Variants in ISM1 observed in about 807,000 individuals in gnomAD.
ISM1 encodes isthmin-1.
ISM1 carries 25 observed loss-of-function variants against 46.3 expected under a neutral mutation model. The observed-to-expected ratio is 0.54, with a 90% CI of 0.39 to 0.75. The LOEUF is 0.75. Among genes scored for constraint, ISM1 ranks in the 30% least tolerant of loss-of-function variants. The probability of loss-of-function intolerance (pLI) is 0.00; values close to 1 mark genes in which losing one functional copy is unlikely to be tolerated. For synonymous variants in ISM1, 255 were observed against 256.7 expected, an observed-to-expected ratio of 0.99 and a Z score of 0.06; for missense variants, 536 against 625.4, an observed-to-expected ratio of 0.86 and a Z score of 1.52.
intron 2 of ISM1, among the ~76,000 whole-genome samples, chr20:13,274,257 A>G (rs2040149331): frequency 6.6e-6 from 1 of 152,012 alleles, no homozygotes; most frequent in South Asian, 2.1e-4. Context: ...TCCTCAGAGC[A>G]CTGTTCTTTT....
intron 1 of ISM1, among the ~76,000 whole-genome samples, chr20:13,225,678 G>A (rs540573266): frequency 6.6e-6 from 1 of 152,160 alleles, no homozygotes; most frequent in Admixed American, 6.5e-5. Context: ...GTCTTTGAAT[G>A]GTTGTCAGTA....
At chr20:13,245,630 C>T (rs1215873377) in intron 1 of ISM1, among the ~76,000 whole-genome samples, 1 of 152,206 alleles carries the variant, frequency 6.6e-6, no homozygotes, top group East Asian at 1.9e-4. Flanking sequence ...AGTTCCCCTG[C>T]ACACTCTAGT....
chr20:13,310,698 TA>T, the ISM1 span, among the ~76,000 whole-genome samples: 2 of 151,948 alleles, frequency 1.3e-5, no homozygotes, highest in East Asian at 3.9e-4. Flanking sequence ...CCGAAATACA[TA>T]AAAAACTCAA....
intron 2 of ISM1, 142 bp downstream of exon 2, chr20:13,270,885 TAAG>T: frequency 1.3e-6 from 1 of 767,458 alleles, no homozygotes; most frequent in Non-Finnish European, 2.1e-6. Flanking sequence ...GTTATCTCCA[TAAG>T]AACAGTGCTG....
intron 5 of ISM1, among the ~76,000 whole-genome samples, chr20:13,293,277 G>A (rs1246991362): frequency 1.3e-5 from 2 of 152,046 alleles, no homozygotes; most frequent in East Asian, 1.9e-4. Context: ...CTAGAAAATG[G>A]TAGAGCAAAT....
intron 1 of ISM1, among the ~76,000 whole-genome samples, chr20:13,254,329 GTATA>G (rs1447691358): frequency 2.0e-5 from 3 of 152,030 alleles, no homozygotes; most frequent in Non-Finnish European, 4.4e-5. Context: ...TTAAATATGT[GTATA>G]TATAAGTATA....
chr20:13,265,782 G>T (rs62201511), intron 1 of ISM1, among the ~76,000 whole-genome samples: 10,742 of 152,062 alleles, frequency 0.071, 415 homozygotes, highest in Non-Finnish European at 0.091. Flanking sequence ...TCCCAAGAGG[G>T]CACATTGCTA....
chr20:13,235,715 T>C (rs924975253), intron 1 of ISM1, among the ~76,000 whole-genome samples: 13 of 152,194 alleles, frequency 8.5e-5, no homozygotes, highest in African/African-American at 2.9e-4. Flanking sequence ...GGTTGTCCTT[T>C]CACTGCTTAC....
intron 1 of ISM1, among the ~76,000 whole-genome samples, chr20:13,264,221 G>T (rs915020822): frequency 1.3e-5 from 2 of 152,188 alleles, no homozygotes; most frequent in African/African-American, 4.8e-5. Context: ...CCTTCAAGAA[G>T]TCTGCCTGAT....
chr20:13,273,826 A>G (rs891905647), intron 2 of ISM1, among the ~76,000 whole-genome samples: 12 of 152,198 alleles, frequency 7.9e-5, no homozygotes, highest in African/African-American at 2.9e-4. Flanking sequence ...TTTCTGCTCT[A>G]TACAATCCCT....
the ISM1 span, among the ~76,000 whole-genome samples, chr20:13,321,264 A>AAAAAAAAAAAAAAAAAAAC: frequency 6.6e-6 from 1 of 150,888 alleles, no homozygotes; most frequent in Non-Finnish European, 1.5e-5. Context: ...AAAAAAAAAA[A>AAAAAAAAAAAAAAAAAAAC]AAAAAAAAAA....
intron 1 of ISM1, among the ~76,000 whole-genome samples, chr20:13,238,571 A>G (rs551384230): frequency 3.3e-5 from 5 of 152,346 alleles, no homozygotes; most frequent in Admixed American, 2.0e-4. Context: ...GCATTTCCAG[A>G]TACTAGAACT....
chr20:13,252,394 T>C (rs2039877605), intron 1 of ISM1, among the ~76,000 whole-genome samples: 2 of 152,198 alleles, frequency 1.3e-5, no homozygotes. Flanking sequence ...CTGAGATTTA[T>C]CCTTGCTGAT....
chr20:13,252,137 A>G (rs977460145), intron 1 of ISM1, among the ~76,000 whole-genome samples: 3 of 152,174 alleles, frequency 2.0e-5, no homozygotes, highest in South Asian at 2.1e-4. Flanking sequence ...TTAAGACACA[A>G]GAGTGTGAAT....
At position 13,281,703 on chromosome 20, in the gene ISM1, T is replaced by C. The variant is rs79643130; in HGVS notation, c.643+1805T>C. Among the ~76,000 whole-genome samples, 398 of 152,050 alleles carry C rather than the reference T, an allele frequency of 2.6e-3. 1 individual carries two copies. Among genetic ancestry groups the C allele is most frequent in the African/African-American group, 9.3e-3 (386 of 41,460 alleles). ...AAGGATCTAGAAATGAGTGCTTAGG[T>C]TGGAAGATAGGAATGGGAGGAAAAG... On this transcript the variant is annotated intron_variant, in intron 3 of 5. Coordinates refer to ENST00000262487, the MANE Select transcript of ISM1 (RefSeq NM_080826.2).
the ISM1 span, among the ~76,000 whole-genome samples, chr20:13,313,448 G>A: frequency 6.6e-6 from 1 of 152,168 alleles, no homozygotes; most frequent in Non-Finnish European, 1.5e-5. Flanking sequence ...GGTAAACACG[G>A]AGCCGTAGTC....
At chr20:13,307,592 C>T in the ISM1 span, among the ~76,000 whole-genome samples, 6 of 152,166 alleles carry the variant, frequency 3.9e-5, no homozygotes, top group Non-Finnish European at 7.4e-5. Flanking sequence ...CGTCCAGTAA[C>T]GGGCACTCAC....
At chr20:13,263,195 G>A (rs946038442) in intron 1 of ISM1, among the ~76,000 whole-genome samples, 1 of 152,170 alleles carries the variant, frequency 6.6e-6, no homozygotes. Flanking sequence ...TGCCTGAAGG[G>A]GAATGATTGC....
chr20:13,322,030 T>C, the ISM1 span, among the ~76,000 whole-genome samples: 5 of 152,234 alleles, frequency 3.3e-5, no homozygotes, highest in Non-Finnish European at 5.9e-5. Flanking sequence ...ATTATGGAAA[T>C]TGTGCATGTG....
Sources: allele counts gnomAD v4.1 joint callset (sites outside exome capture counted in the v4.1 genomes callset), GRCh38; gene constraint gnomAD v4.1.1; transcripts MANE v1.5; gene names NCBI Gene and HGNC (gene_info 2026-07-23, HGNC 2026-07-21).